PLXDC2: variants seen among roughly 807,000 people sequenced by gnomAD.
PLXDC2 encodes plexin domain-containing protein 2.
PLXDC2 carries 40 observed loss-of-function variants against 68.9 expected under a neutral mutation model. The observed-to-expected ratio is 0.58, with a 90% CI of 0.45 to 0.76. PLXDC2 has a LOEUF of 0.76. Ranked by LOEUF, PLXDC2 falls within the 30% of genes least tolerant of loss-of-function variation. The pLI is 0.00. For synonymous variants in PLXDC2, 243 were observed against 234.2 expected, an observed-to-expected ratio of 1.04 and a Z score of -0.34; for missense variants, 644 against 661.9, an observed-to-expected ratio of 0.97 and a Z score of 0.30.
chr10:20,158,262 A>G (rs1396703950), intron 6 of PLXDC2, among the ~76,000 whole-genome samples: 1 of 152,062 alleles, frequency 6.6e-6, no homozygotes, highest in Non-Finnish European at 1.5e-5. Flanking sequence ...ATGTTCATTG[A>G]CTTTGGCACT....
At chr10:20,242,545 G>C (rs1187802178) in intron 12 of PLXDC2, among the ~76,000 whole-genome samples, 1 of 152,092 alleles carries the variant, frequency 6.6e-6, no homozygotes, top group Admixed American at 6.5e-5. Context: ...TGGCAATGTG[G>C]TCATTCTAAT....
At chr10:19,967,720 C>T (rs1043306242) in intron 1 of PLXDC2, among the ~76,000 whole-genome samples, 3 of 152,098 alleles carry the variant, frequency 2.0e-5, no homozygotes, top group East Asian at 1.9e-4. Context: ...CTTAGCAGCA[C>T]GACTTGCTTT....
At chr10:19,838,320 A>G (rs1836838219) in intron 1 of PLXDC2, among the ~76,000 whole-genome samples, 1 of 152,216 alleles carries the variant, frequency 6.6e-6, no homozygotes, top group Non-Finnish European at 1.5e-5. Flanking sequence ...TTGTATTGCT[A>G]GAATAGATTA....
intron 12 of PLXDC2, among the ~76,000 whole-genome samples, chr10:20,228,273 A>G (rs1835312756): frequency 6.6e-6 from 1 of 152,130 alleles, no homozygotes; most frequent in Non-Finnish European, 1.5e-5. Flanking sequence ...TAAAGATGAA[A>G]AGAGTGACTA....
intron 1 of PLXDC2, among the ~76,000 whole-genome samples, chr10:19,868,264 C>T (rs2131340561): frequency 6.6e-6 from 1 of 152,228 alleles, no homozygotes; most frequent in African/African-American, 2.4e-5. Context: ...GATCCTCTCT[C>T]TCCTCCCACC....
At chr10:20,181,504 G>T (rs1001226057) in intron 9 of PLXDC2, among the ~76,000 whole-genome samples, 1 of 151,974 alleles carries the variant, frequency 6.6e-6, no homozygotes, top group Non-Finnish European at 1.5e-5. Flanking sequence ...TTGACTCGGC[G>T]GCCAGGAAAG....
intron 1 of PLXDC2, among the ~76,000 whole-genome samples, chr10:19,925,885 C>A (rs1833531015): frequency 2.0e-5 from 3 of 152,200 alleles, no homozygotes; most frequent in Admixed American, 2.0e-4. Context: ...GTCTGATGAG[C>A]TTTTCTCAGT....
At chr10:20,052,382 C>T (rs954988527) in intron 3 of PLXDC2, among the ~76,000 whole-genome samples, 2 of 151,866 alleles carry the variant, frequency 1.3e-5, no homozygotes, top group Admixed American at 1.3e-4. Context: ...AGAATAAAAT[C>T]AAGTAGTTAC....
At chr10:20,045,455 G>A (rs1236543405) in intron 2 of PLXDC2, among the ~76,000 whole-genome samples, 3 of 152,166 alleles carry the variant, frequency 2.0e-5, no homozygotes, top group African/African-American at 7.2e-5. Context: ...ACAGGCATGA[G>A]CCACTGTGCT....
At chr10:20,218,981 A>G in intron 11 of PLXDC2, 83 bp from the exon 12 acceptor site, 2 of 1,447,720 alleles carry the variant, frequency 1.4e-6, no homozygotes, top group Admixed American at 2.0e-5. Context: ...CAAGGCAGTT[A>G]GTAGACAATT....
intron 4 of PLXDC2, among the ~76,000 whole-genome samples, chr10:20,136,774 A>G (rs1005487981): frequency 6.6e-6 from 1 of 152,230 alleles, no homozygotes; most frequent in Non-Finnish European, 1.5e-5. Flanking sequence ...ATCAACTCCA[A>G]CCTTTCCTTT....
At chr10:20,147,932 T>C (rs1423357702) in intron 6 of PLXDC2, 30 bp downstream of exon 6, 1 of 1,463,936 alleles carries the variant, frequency 6.8e-7, no homozygotes, top group Non-Finnish European at 9.6e-7. Context: ...TTTCTTTCCC[T>C]TCCCCTTGTT....
chr10:19,957,420 C>G (rs1834089119), intron 1 of PLXDC2, among the ~76,000 whole-genome samples: 1 of 151,978 alleles, frequency 6.6e-6, no homozygotes, highest in South Asian at 2.1e-4. Context: ...ACACAAAGTT[C>G]CAGATAACAT....
intron 1 of PLXDC2, among the ~76,000 whole-genome samples, chr10:19,902,999 C>T (rs1032620661): frequency 2.6e-5 from 4 of 152,118 alleles, no homozygotes; most frequent in Non-Finnish European, 5.9e-5. Flanking sequence ...TATGTTAAAC[C>T]ATCCCTGCAT....
At chr10:20,071,538 C>G (rs575858408) in intron 4 of PLXDC2, among the ~76,000 whole-genome samples, 2 of 152,180 alleles carry the variant, frequency 1.3e-5, no homozygotes, top group South Asian at 4.1e-4. Flanking sequence ...CCTGCACACA[C>G]CCTCTCTTGC....
At chr10:19,962,516 C>G (rs1479261034) in intron 1 of PLXDC2, among the ~76,000 whole-genome samples, 6 of 148,862 alleles carry the variant, frequency 4.0e-5, no homozygotes, top group African/African-American at 7.3e-5. Context: ...TCAGCCTCCC[C>G]AGCAGGTGGG....
At chr10:19,855,747 A>C (rs1837198572) in intron 1 of PLXDC2, among the ~76,000 whole-genome samples, 1 of 152,186 alleles carries the variant, frequency 6.6e-6, no homozygotes, top group East Asian at 1.9e-4. Context: ...AAACTAATAT[A>C]ATGGGCATAG....
intron 1 of PLXDC2, among the ~76,000 whole-genome samples, chr10:19,921,344 A>G (rs1833458917): frequency 6.6e-6 from 1 of 152,174 alleles, no homozygotes. Context: ...AATCAAAAGC[A>G]TAGAGGATAT....
intron 1 of PLXDC2, among the ~76,000 whole-genome samples, chr10:19,941,083 C>G (rs1028334776): frequency 6.6e-6 from 1 of 152,176 alleles, no homozygotes; most frequent in Non-Finnish European, 1.5e-5. Flanking sequence ...TTCTTCATCC[C>G]TAGTGGAATT....
Sources: allele counts gnomAD v4.1 joint callset (sites outside exome capture counted in the v4.1 genomes callset), GRCh38; gene constraint gnomAD v4.1.1; transcripts MANE v1.5; gene names NCBI Gene and HGNC (gene_info 2026-07-23, HGNC 2026-07-21).